ARAP2: variants seen among roughly 807,000 people sequenced by gnomAD.
ARAP2 encodes ArfGAP with RhoGAP domain, ankyrin repeat and PH domain 2.
In ARAP2, 148 loss-of-function variants were observed where a neutral mutation model predicts 194.5. The ratio of observed to expected loss-of-function variants is 0.76; its 90% CI spans 0.67 to 0.87. The LOEUF (loss-of-function observed/expected upper bound fraction) is 0.87, where lower values mean the gene tolerates loss of function less well. ARAP2 is among the 40% of genes least tolerant of loss of function. The pLI is 0.00. For missense variants in ARAP2, 2,128 were observed against 1,989.7 expected (o/e 1.07, Z -1.32); for synonymous variants, 695 against 683.5 (o/e 1.02, Z -0.26).
intron 19 of ARAP2, among the ~76,000 whole-genome samples, chr4:36,136,531 T>C (rs1264310404): frequency 6.6e-6 from 1 of 151,676 alleles, no homozygotes; most frequent in South Asian, 2.1e-4. Flanking sequence ...GAACCAGAAG[T>C]GCCTTCACAA....
chr4:36,195,468 T>G (rs1413658042), intron 6 of ARAP2, among the ~76,000 whole-genome samples: 5 of 152,230 alleles, frequency 3.3e-5, no homozygotes, highest in Non-Finnish European at 1.5e-5. Context: ...CTTCCACACT[T>G]AAAGGCAGAG....
At chr4:36,061,707 A>T (rs1189718265), downstream of ARAP2, among the ~76,000 whole-genome samples, 3 of 152,042 alleles carry the variant, frequency 2.0e-5, no homozygotes, top group Non-Finnish European at 4.4e-5. Flanking sequence ...ATCATATGGT[A>T]GTTCTACTTT....
Position 36,210,545 on chromosome 4 carries a change from G to T in ARAP2, c.1332C>A (p.Asp444Glu). 6.2e-7 allele frequency: 1 copy of T among 1,613,860 alleles called. No individual in the cohort carries two copies. The highest frequency in any genetic ancestry group is 8.5e-7 in the Non-Finnish European group (1 of 1,179,858). ...KSRTQKALILDSVNRHSYPLS... is the reference protein window; with the variant it reads ...KSRTQKALILESVNRHSYPLS... ...ACGGATAACTGTGCCTATTAACGGA[G>T]TCCAAAATCAAGGCTTTTTGAGTCC... Residue 444 changes from aspartate to glutamate, a missense_variant, in exon 6 of 33, where the codon GAC (aspartate) becomes GAA (glutamate). Coordinates refer to ENST00000303965, the MANE Select transcript of ARAP2 (RefSeq NM_015230.4).
chr4:36,189,204 TTTTAC>T (rs1741304942), intron 7 of ARAP2, among the ~76,000 whole-genome samples: 1 of 152,182 alleles, frequency 6.6e-6, no homozygotes, highest in Non-Finnish European at 1.5e-5. Flanking sequence ...TTCTTCTCCT[TTTTAC>T]TTTATCTTCT....
At chr4:36,092,102 A>T in intron 27 of ARAP2, 82 bp from the exon 28 acceptor site, 9 of 1,385,570 alleles carry the variant, frequency 6.5e-6, no homozygotes, top group Non-Finnish European at 8.6e-6. Context: ...CTATATTGTC[A>T]TATAGAAAAA....
At chr4:36,115,234 T>C (rs962835465) in intron 25 of ARAP2, among the ~76,000 whole-genome samples, 1 of 152,040 alleles carries the variant, frequency 6.6e-6, no homozygotes, top group African/African-American at 2.4e-5. Flanking sequence ...TTAGTGCTTT[T>C]TTGGAATATA....
intron 24 of ARAP2, among the ~76,000 whole-genome samples, chr4:36,118,070 A>G (rs901331378): frequency 1.5e-4 from 23 of 151,394 alleles, no homozygotes; most frequent in Non-Finnish European, 2.8e-4. Flanking sequence ...ACTTGTGGGG[A>G]AAAAAATTTT....
intron 2 of ARAP2, among the ~76,000 whole-genome samples, chr4:36,225,475 C>T (rs1033092202): frequency 3.3e-5 from 5 of 151,990 alleles, no homozygotes; most frequent in African/African-American, 1.2e-4. Flanking sequence ...GCAAGGCCTC[C>T]AAGTGAAGGT....
chr4:36,217,028 T>A (rs1370759398), intron 2 of ARAP2, among the ~76,000 whole-genome samples: 1 of 152,244 alleles, frequency 6.6e-6, no homozygotes, highest in Admixed American at 6.5e-5. Flanking sequence ...TTATTCTATA[T>A]GAGCATGTGA....
Position 36,150,962 on chromosome 4 carries a change from G to A in ARAP2, c.2835C>T (p.Thr945=), listed in dbSNP as rs13148785. The part of the protein sequence containing the change: ...ENDKSTTPNG[T]ININEVICLA... ...GGCAGATAACTTCATTGATATTAAT[G>A]GTGCCATTAGGTGTGGTAGACTTAT... The change falls in exon 16 of 33, where the codon ACC becomes ACT. Residue 945 remains threonine, a synonymous_variant. Transcript: ENST00000303965. The A allele has an allele frequency of 6.2e-7, 1 of 1,612,138 alleles. No homozygotes were observed. The highest frequency in any genetic ancestry group is 8.5e-7 in the Non-Finnish European group (1 of 1,178,788).
intron 31 of ARAP2, among the ~76,000 whole-genome samples, chr4:36,074,678 A>G (rs891315613): frequency 6.6e-6 from 1 of 152,130 alleles, no homozygotes; most frequent in African/African-American, 2.4e-5. Context: ...AGATATTGTA[A>G]TGAAATGAAA....
chr4:36,119,641 A>AAT lies in ARAP2; in HGVS notation c.3963+8_3963+9insAT, dbSNP rs1722213716. 1 of 1,573,350 alleles carries AAT rather than the reference A, an allele frequency of 6.4e-7. No individual in the cohort carries two copies. The highest frequency in any genetic ancestry group is 8.7e-7 in the Non-Finnish European group (1 of 1,145,690). The stretch of plus-strand genomic sequence containing the variant: ...TTAATTATTTAGAGATCTAACTATT[A>AAT]CTACTCACTTGGGTGTCTTTCCACT... On this transcript the variant is annotated intron_variant, in intron 24 of 32. Transcript: ENST00000303965.
chr4:36,205,623 G>A (rs1451101330), intron 6 of ARAP2, among the ~76,000 whole-genome samples: 1 of 151,618 alleles, frequency 6.6e-6, no homozygotes, highest in African/African-American at 2.4e-5. Flanking sequence ...AAAGAAAATC[G>A]AGGTTTATTG....
At chr4:36,208,892 T>C (rs1394748292) in intron 6 of ARAP2, among the ~76,000 whole-genome samples, 1 of 152,074 alleles carries the variant, frequency 6.6e-6, no homozygotes, top group Non-Finnish European at 1.5e-5. Flanking sequence ...TGGAAAAATA[T>C]AAATCCAGAA....
chr4:36,021,738 T>C (rs560085812), intron 5 of ARAP2, among the ~76,000 whole-genome samples: 1 of 151,108 alleles, frequency 6.6e-6, no homozygotes, highest in Non-Finnish European at 1.5e-5. Flanking sequence ...ATGTGATACA[T>C]TGAACAAGAA....
At chr4:36,119,775 A>G in intron 23 of ARAP2, 57 bp from the exon 24 acceptor site, 2 of 1,197,556 alleles carry the variant, frequency 1.7e-6, no homozygotes, top group Non-Finnish European at 2.4e-6. Context: ...GAGTGATGAC[A>G]CTCATCCTCA....
Position 36,177,905 on chromosome 4 carries a change from A to T in ARAP2, c.1779T>A (p.Tyr593Ter). Reference protein sequence around the residue: ...QAVVTPEKCGYLELRGYKAKI... With the variant: ...QAVVTPEKCG The stretch of plus-strand genomic sequence containing the variant: ...TTGCCTTATAGCCTCTCAATTCAAG[A>T]TATCCACATTTCTCAGGTGTAACAA... Residue 593 changes from tyrosine (Y) to a stop codon, truncating the protein, a stop_gained, in exon 9 of 33, where the codon TAT becomes TAA. Coordinates refer to ENST00000303965, the MANE Select transcript of ARAP2 (RefSeq NM_015230.4). LOFTEE classifies it high-confidence loss of function. 2 of 1,613,664 alleles carry T rather than the reference A, an allele frequency of 1.2e-6. No homozygotes were observed. The highest frequency in any genetic ancestry group is 1.7e-6 in the Non-Finnish European group (2 of 1,179,738).
At chr4:36,095,570 T>C (rs1034580291) in intron 27 of ARAP2, among the ~76,000 whole-genome samples, 5 of 152,180 alleles carry the variant, frequency 3.3e-5, no homozygotes, top group African/African-American at 1.2e-4. Flanking sequence ...TAAAAGGCTC[T>C]GTGTGCATAA....
rs1560311633 is a variant in ARAP2 at position 36,043,842 on chromosome 4, AGGGGGGAGGGGAGGG to A, written n.607+2122_607+2136del. On this transcript the variant is annotated intron_variant and non_coding_transcript_variant, in intron 5 of 12. Transcript: ENST00000503225. ...AGGGAAGGGAAGGGGAGGGGAGGGG[AGGGGGGAGGGGAGGG>A]GGGAGGGGAAGGGAAGGGAAAAAGG... Among the ~76,000 whole-genome samples the A allele has an allele frequency of 7.8e-3, 285 of 36,644 alleles. 2 individuals are homozygous for A. The highest frequency in any genetic ancestry group is 0.015 in the East Asian group (13 of 868). The allele number at this position is 36,644 out of a possible 152,430, so 24.0% of individuals were successfully genotyped here.
Sources: allele counts gnomAD v4.1 joint callset (sites outside exome capture counted in the v4.1 genomes callset), GRCh38; gene constraint gnomAD v4.1.1; transcripts MANE v1.5; gene names NCBI Gene and HGNC (gene_info 2026-07-23, HGNC 2026-07-21).